The following ABLIM1 variants were observed in gnomAD, a reference collection of about 807,000 sequenced individuals.
ABLIM1 encodes actin binding LIM protein 1.
A neutral mutation model predicts 107.0 loss-of-function variants in ABLIM1; 40 were observed. That is an observed-to-expected ratio of 0.37 (90% confidence interval 0.29 to 0.49). The LOEUF (loss-of-function observed/expected upper bound fraction) is 0.49. ABLIM1 is among the 20% of genes least tolerant of loss of function. The probability of loss-of-function intolerance (pLI) is 0.97; values close to 1 mark genes in which losing one functional copy is unlikely to be tolerated. For missense variants in ABLIM1, 857 were observed against 1,008.5 expected (o/e 0.85, Z 2.04); for synonymous variants, 357 against 357.3 (o/e 1.00, Z 0.01).
chr10:114,467,346 G>A (rs1458382937), intron 11 of ABLIM1, among the ~76,000 whole-genome samples: 1 of 152,134 alleles, frequency 6.6e-6, no homozygotes, highest in Non-Finnish European at 1.5e-5. Context: ...TTAGGAATCT[G>A]TTGTCCTATG....
At chr10:114,517,645 A>AC (rs1411952597) in intron 6 of ABLIM1, among the ~76,000 whole-genome samples, 1 of 152,168 alleles carries the variant, frequency 6.6e-6, no homozygotes, top group Non-Finnish European at 1.5e-5. Flanking sequence ...GTGGGTCTGT[A>AC]CTTTTTTGCG....
At chr10:114,661,800 T>G (rs1274299767), upstream of ABLIM1, among the ~76,000 whole-genome samples, 1 of 152,248 alleles carries the variant, frequency 6.6e-6, no homozygotes, top group African/African-American at 2.4e-5. Flanking sequence ...TCTTCTATGA[T>G]AGACTATGAA....
chr10:114,601,401 G>A (rs917004421), intron 2 of ABLIM1, among the ~76,000 whole-genome samples: 3 of 151,850 alleles, frequency 2.0e-5, no homozygotes, highest in African/African-American at 2.4e-5. Flanking sequence ...GAGTAGCTGG[G>A]ATTACAGACG....
intron 1 of ABLIM1, among the ~76,000 whole-genome samples, chr10:114,725,222 C>T (rs1041174916): frequency 1.3e-5 from 2 of 152,140 alleles, no homozygotes; most frequent in African/African-American, 4.8e-5. Flanking sequence ...TAGCAATTTA[C>T]CTGGTGGATA....
the ABLIM1 span, among the ~76,000 whole-genome samples, chr10:114,796,182 C>G: frequency 2.0e-5 from 3 of 152,168 alleles, no homozygotes; most frequent in African/African-American, 7.2e-5. Context: ...CAAATTACCC[C>G]AAGCATAGAG....
intron 21 of ABLIM1, 67 bp downstream of exon 21, chr10:114,439,109 T>C (rs2059833170): frequency 6.4e-7 from 1 of 1,568,738 alleles, no homozygotes; most frequent in Non-Finnish European, 8.8e-7. Flanking sequence ...GATGAAAAGA[T>C]AGAACATCAA....
At chr10:114,617,314 T>G (rs1453045250) in intron 1 of ABLIM1, among the ~76,000 whole-genome samples, 1 of 145,904 alleles carries the variant, frequency 6.9e-6, no homozygotes, top group Non-Finnish European at 1.5e-5. Context: ...CAGGCTGGAG[T>G]GCAATGGCGC....
At position 114,475,502 on chromosome 10, in the gene ABLIM1, C is replaced by A. The variant is rs535210244; in HGVS notation, c.1042-1546G>T. Among the ~76,000 whole-genome samples the A allele has an allele frequency of 2.0e-5, 3 of 152,300 alleles. No homozygotes were observed. The South Asian group carries it at 6.2e-4, about 32-fold the overall frequency. ...CCTCATAGAGTTTATTTTTTAACCACTGTCTATACCCAATGCTTTCCACAG... is the reference window on the plus strand; with the variant it reads ...CCTCATAGAGTTTATTTTTTAACCAATGTCTATACCCAATGCTTTCCACAG... On this transcript the variant is annotated intron_variant, in intron 8 of 22. Coordinates refer to ENST00000533213, the MANE Select transcript of ABLIM1 (RefSeq NM_002313.7).
intron 6 of ABLIM1, among the ~76,000 whole-genome samples, chr10:114,534,798 TA>T (rs1272582498): frequency 1.3e-5 from 2 of 152,210 alleles, no homozygotes. Context: ...AACATCCTTT[TA>T]ACTCAAGATA....
At chr10:114,710,602 A>G (rs921410457) in intron 1 of ABLIM1, among the ~76,000 whole-genome samples, 8 of 152,108 alleles carry the variant, frequency 5.3e-5, no homozygotes, top group Non-Finnish European at 8.8e-5. Context: ...CAGCCAAACC[A>G]TATCACCCAT....
rs2138204926 is a variant in ABLIM1 at position 114,559,282 on chromosome 10, G to A, written c.674-11506C>T. ...TCAATCATGGTATGCTCTCAGAAAA[G>A]GCAATGGTCACATGGCAACCTTGAA... On this transcript the variant is annotated intron_variant, in intron 4 of 22. Transcript: ENST00000533213. 1.3e-5 allele frequency among the ~76,000 whole-genome samples: 2 copies of A among 151,918 alleles called. 1 individual carries two copies. Among genetic ancestry groups the A allele is most frequent in the South Asian group, 4.2e-4 (2 of 4,806 alleles).
At chr10:114,447,762 G>T in intron 15 of ABLIM1, 118 bp downstream of exon 15, 2 of 1,404,942 alleles carry the variant, frequency 1.4e-6, no homozygotes, top group Non-Finnish European at 9.7e-7. Context: ...CTACCTCTTG[G>T]TCATACTTTT....
intron 2 of ABLIM1, among the ~76,000 whole-genome samples, chr10:114,599,408 A>T (rs1334860222): frequency 6.6e-6 from 1 of 152,216 alleles, no homozygotes; most frequent in Non-Finnish European, 1.5e-5. Context: ...CTCTTCAAAT[A>T]CCGTGATGTG....
intron 8 of ABLIM1, among the ~76,000 whole-genome samples, chr10:114,485,812 T>C (rs2058105621): frequency 6.6e-6 from 1 of 152,218 alleles, no homozygotes; most frequent in Non-Finnish European, 1.5e-5. Context: ...GAAACTGCAC[T>C]AATGTGACAT....
Position 114,432,220 on chromosome 10 carries a change from AGGCT to A in ABLIM1, c.*4036_*4039del. Reference sequence around the variant, plus strand: ...TAATTGTAAAAATCAAATAAAATTGAGGCTGGCATAGGAAGTACAGATTAAATAC... The same window carrying A: ...TAATTGTAAAAATCAAATAAAATTGAGGCATAGGAAGTACAGATTAAATAC... On this transcript the variant is annotated 3_prime_UTR_variant, in exon 23 of 23. Coordinates refer to ENST00000533213, the MANE Select transcript of ABLIM1 (RefSeq NM_002313.7). The A allele has an allele frequency of 6.6e-6, 1 of 152,256 alleles. No individual in the cohort carries two copies. Among genetic ancestry groups the A allele is most frequent in the Admixed American group, 6.5e-5 (1 of 15,288 alleles). 9.4% of individuals were successfully genotyped at this position (152,256 alleles called of 1,614,324 possible).
At chr10:114,583,124 T>C (rs2073611247) in intron 2 of ABLIM1, among the ~76,000 whole-genome samples, 1 of 151,130 alleles carries the variant, frequency 6.6e-6, no homozygotes, top group African/African-American at 2.4e-5. Flanking sequence ...CCAACAAAAG[T>C]CTATTATACA....
At chr10:114,788,465 C>T in the ABLIM1 span, among the ~76,000 whole-genome samples, 9 of 151,136 alleles carry the variant, frequency 6.0e-5, no homozygotes, top group African/African-American at 2.2e-4. Context: ...AGGAGGCTCA[C>T]GCCTGTAATC....
At chr10:114,590,900 A>T in intron 2 of ABLIM1, among the ~76,000 whole-genome samples, 1 of 152,160 alleles carries the variant, frequency 6.6e-6, no homozygotes, top group East Asian at 1.9e-4. Flanking sequence ...CTTATCAAGG[A>T]ACCCTCCTTT....
intron 20 of ABLIM1, chr10:114,439,802 T>G: frequency 3.9e-6 from 2 of 517,302 alleles, no homozygotes; most frequent in Middle Eastern, 5.1e-4. Flanking sequence ...AGACCCTTGA[T>G]GCTGGTCCAC....
Sources: gnomAD v4.1 joint callset for allele counts (sites outside exome capture counted in the v4.1 genomes callset) on GRCh38, gnomAD v4.1.1 for gene constraint, MANE v1.5 for transcripts, NCBI Gene and HGNC (gene_info 2026-07-23, HGNC 2026-07-21) for gene names.